SGSM1: variants seen among roughly 807,000 people sequenced by gnomAD.
The protein encoded by SGSM1 is RUN and TBC1 domain containing 2.
Under a neutral mutation model 133.8 loss-of-function variants are expected in SGSM1, and 73 were observed. The ratio of observed to expected loss-of-function variants is 0.55; its 90% CI spans 0.45 to 0.66. The LOEUF is 0.66. SGSM1 is among the 30% of genes least tolerant of loss of function. SGSM1 has a pLI of 0.00. For synonymous variants in SGSM1, 563 were observed against 573.0 expected (o/e 0.98, Z 0.25); for missense variants, 1,213 against 1,448.1 (o/e 0.84, Z 2.64).
intron 2 of SGSM1, among the ~76,000 whole-genome samples, chr22:24,820,644 G>T (rs895176706): frequency 6.6e-5 from 10 of 152,300 alleles, no homozygotes; most frequent in South Asian, 6.2e-4. Flanking sequence ...GGAAGTGACA[G>T]GAAAGATGGA....
chr22:24,868,263 C>T, intron 10 of SGSM1, 113 bp from the exon 11 acceptor site: 3 of 1,419,288 alleles, frequency 2.1e-6, no homozygotes, highest in Non-Finnish European at 2.8e-6. Flanking sequence ...AGCCTCAGAG[C>T]AGGATCCCTG....
chr22:24,843,218 T>C (rs1428455611), intron 2 of SGSM1, among the ~76,000 whole-genome samples: 1 of 151,510 alleles, frequency 6.6e-6, no homozygotes, highest in African/African-American at 2.4e-5. Context: ...AGCTTGGAGT[T>C]GGTGGAGCAC....
At chr22:24,855,260 T>A in intron 6 of SGSM1, 25 bp from the exon 7 acceptor site, 2 of 1,598,440 alleles carry the variant, frequency 1.3e-6, no homozygotes, top group Non-Finnish European at 1.7e-6. Flanking sequence ...GGGCAGTGGG[T>A]TTCCAGCCCC....
intron 9 of SGSM1, among the ~76,000 whole-genome samples, chr22:24,866,864 G>A (rs187908787): frequency 6.6e-6 from 1 of 152,252 alleles, no homozygotes; most frequent in Admixed American, 6.5e-5. Flanking sequence ...GGGTGGGGTC[G>A]ACCTCACCTC....
At chr22:24,817,842 G>A (rs1229253746) in intron 2 of SGSM1, among the ~76,000 whole-genome samples, 1 of 152,230 alleles carries the variant, frequency 6.6e-6, no homozygotes, top group Non-Finnish European at 1.5e-5. Context: ...TTGGTATCTG[G>A]TGAGGGCCTT....
chr22:24,832,340 A>G lies in SGSM1; in HGVS notation c.64-12557A>G, dbSNP rs117366276. Among the ~76,000 whole-genome samples the G allele has an allele frequency of 6.1e-3, 930 of 152,312 alleles. 22 individuals are homozygous for G. The highest frequency in any genetic ancestry group is 0.061 in the East Asian group (314 of 5,176). On this transcript the variant is annotated intron_variant, in intron 2 of 24. Transcript: ENST00000400358. ...TGTGTGGCAAGTGCCGGGCACATAT[A>G]GATAAGAGGGTTAGTGTTATTTTCA...
intron 22 of SGSM1, among the ~76,000 whole-genome samples, chr22:24,916,885 A>AT (rs1250996170): frequency 6.6e-6 from 1 of 151,338 alleles, no homozygotes; most frequent in Non-Finnish European, 1.5e-5. Context: ...TTTTGTTTTC[A>AT]TTTTGTTTTT....
chr22:24,885,035 C>T (rs1299968015), intron 15 of SGSM1, among the ~76,000 whole-genome samples: 4 of 151,972 alleles, frequency 2.6e-5, no homozygotes, highest in African/African-American at 7.2e-5. Flanking sequence ...CTGCAACCTC[C>T]GCCTCCTGGG....
chr22:24,891,502 T>C (rs369513113), intron 16 of SGSM1, among the ~76,000 whole-genome samples: 1 of 152,248 alleles, frequency 6.6e-6, no homozygotes, highest in East Asian at 1.9e-4. Flanking sequence ...AGTTCTGTAT[T>C]ATAAGGACCC....
intron 14 of SGSM1, among the ~76,000 whole-genome samples, chr22:24,881,739 T>C (rs749442450): frequency 5.3e-5 from 8 of 152,204 alleles, no homozygotes; most frequent in Non-Finnish European, 1.2e-4. Flanking sequence ...TATGACTGTC[T>C]CTTTTGTTAA....
chr22:24,882,776 C>T (rs1932403504), intron 14 of SGSM1, among the ~76,000 whole-genome samples: 1 of 151,190 alleles, frequency 6.6e-6, no homozygotes, highest in African/African-American at 2.5e-5. Context: ...CTTTCTGTGC[C>T]TCGCGTTTTT....
chr22:24,881,065 C>T (rs1156371969), intron 14 of SGSM1, among the ~76,000 whole-genome samples: 7 of 151,154 alleles, frequency 4.6e-5, no homozygotes, highest in East Asian at 2.0e-4. Context: ...TGGTGGCACA[C>T]GCCTGTAGTC....
chr22:24,863,906 T>TA (rs1931303223), intron 9 of SGSM1, among the ~76,000 whole-genome samples: 1 of 149,110 alleles, frequency 6.7e-6, no homozygotes, highest in Non-Finnish European at 1.5e-5. Flanking sequence ...CACGCCTGAC[T>TA]AATTTTGTAT....
chr22:24,835,762 G>A (rs1929392321), intron 2 of SGSM1, among the ~76,000 whole-genome samples: 2 of 151,804 alleles, frequency 1.3e-5, no homozygotes, highest in South Asian at 4.2e-4. Flanking sequence ...GTTGGGATGG[G>A]GGAGAGGGGC....
rs544233332 is a variant in SGSM1 at position 24,925,922 on chromosome 22, C to T, written c.*1648C>T. 17 of 152,296 alleles carry T rather than the reference C, an allele frequency of 1.1e-4. No homozygotes were observed. The highest frequency in any genetic ancestry group is 1.8e-4 in the Non-Finnish European group (12 of 68,050). 9.4% of individuals were successfully genotyped at this position (152,296 alleles called of 1,614,324 possible). A position where few individuals can be genotyped will look rare whatever the true frequency, so the allele number is the denominator to read the frequency against. On this transcript the variant is annotated 3_prime_UTR_variant, in exon 25 of 25. Coordinates refer to ENST00000400358, the MANE Select transcript of SGSM1 (RefSeq NM_001098497.3). ...AGTTTACTCTGCCTACCTGTCCTTT[C>T]AATAGAGCAGTCTTTCCCGCTCTTC...
chr22:24,845,955 T>TTCTTTCTTTCTTTCTCTCTC (rs1304026219), intron 3 of SGSM1, among the ~76,000 whole-genome samples: 11 of 91,916 alleles, frequency 1.2e-4, no homozygotes, highest in African/African-American at 3.7e-4. Flanking sequence ...CTTTCTTTCT[T>TTCTTTCTTTCTTTCTCTCTC]TCTTTCTTTC....
At chr22:24,808,507 TG>T (rs1927549133) in intron 2 of SGSM1, among the ~76,000 whole-genome samples, 1 of 152,214 alleles carries the variant, frequency 6.6e-6, no homozygotes, top group Admixed American at 6.5e-5. Flanking sequence ...GCTGTCTTTT[TG>T]TTCGTGGTTT....
chr22:24,915,488 T>C lies in SGSM1; in HGVS notation c.2929-2170T>C, dbSNP rs894582395. On this transcript the variant is annotated intron_variant, in intron 22 of 24. Transcript: ENST00000400358. ...TCCTCACTTGATATTGTCACACTTATATATTTTTGCCAATCTCTTGGATAT... is the reference window on the plus strand; with the variant it reads ...TCCTCACTTGATATTGTCACACTTACATATTTTTGCCAATCTCTTGGATAT... Among the ~76,000 whole-genome samples the C allele has an allele frequency of 6.6e-5, 10 of 152,242 alleles. No homozygotes were observed. The East Asian group carries it at 1.5e-3, about 23-fold the overall frequency.
chr22:24,837,093 G>C (rs1569140327), intron 2 of SGSM1, among the ~76,000 whole-genome samples: 2 of 152,190 alleles, frequency 1.3e-5, no homozygotes, highest in Non-Finnish European at 2.9e-5. Flanking sequence ...AAAGAGACAA[G>C]AGAAAAGGCA....
Sources: allele counts gnomAD v4.1 joint callset (sites outside exome capture counted in the v4.1 genomes callset), GRCh38; gene constraint gnomAD v4.1.1; transcripts MANE v1.5; gene names NCBI Gene and HGNC (gene_info 2026-07-23, HGNC 2026-07-21).